Variants in TNIK observed in about 807,000 individuals in gnomAD.
TNIK encodes the protein TRAF2 and NCK-interacting protein kinase.
Under a neutral mutation model 191.3 loss-of-function variants are expected in TNIK, and 49 were observed. The observed-to-expected ratio is 0.26, with a 90% CI of 0.20 to 0.32. The LOEUF (loss-of-function observed/expected upper bound fraction) is 0.32, where lower values mean the gene tolerates loss of function less well. Ranked by LOEUF, TNIK falls within the 10% of genes least tolerant of loss-of-function variation. The probability of loss-of-function intolerance (pLI) is 1.00; values close to 1 mark genes in which losing one functional copy is unlikely to be tolerated. For synonymous variants in TNIK, 594 were observed against 600.9 expected, an observed-to-expected ratio of 0.99 and a Z score of 0.17; for missense variants, 1,155 against 1,702.3, an observed-to-expected ratio of 0.68 and a Z score of 5.66.
intron 2 of TNIK, among the ~76,000 whole-genome samples, chr3:171,368,010 T>C (rs1715980827): frequency 6.6e-6 from 1 of 152,178 alleles, no homozygotes; most frequent in African/African-American, 2.4e-5. Flanking sequence ...CTGCTAAATA[T>C]CTTCCCTCTC....
chr3:171,332,451 G>A (rs1577509145), intron 2 of TNIK, among the ~76,000 whole-genome samples: 2 of 152,198 alleles, frequency 1.3e-5, no homozygotes, highest in Non-Finnish European at 2.9e-5. Context: ...TTCTTAAAGA[G>A]CATGCATCAC....
intron 2 of TNIK, among the ~76,000 whole-genome samples, chr3:171,283,619 T>G (rs775298637): frequency 6.6e-5 from 10 of 152,198 alleles, no homozygotes; most frequent in East Asian, 3.9e-4. Flanking sequence ...GGAAATCTAA[T>G]TCCATGTAGC....
intron 2 of TNIK, among the ~76,000 whole-genome samples, chr3:171,266,555 G>A (rs1423116135): frequency 1.3e-5 from 2 of 152,014 alleles, no homozygotes; most frequent in Non-Finnish European, 2.9e-5. Flanking sequence ...GCCTACTTAG[G>A]GTCTTCAGAC....
intron 1 of TNIK, among the ~76,000 whole-genome samples, chr3:171,370,308 T>C (rs1011023762): frequency 1.3e-5 from 2 of 152,216 alleles, no homozygotes; most frequent in Admixed American, 1.3e-4. Context: ...GCTGAGTAAC[T>C]GCAGGATTTA....
At chr3:171,382,628 T>A (rs1718194617) in intron 1 of TNIK, among the ~76,000 whole-genome samples, 1 of 152,176 alleles carries the variant, frequency 6.6e-6, no homozygotes, top group South Asian at 2.1e-4. Context: ...TAATAAAGTG[T>A]GCATGGAAGT....
chr3:171,182,144 CTTCAT>C (rs1736727690), intron 7 of TNIK, among the ~76,000 whole-genome samples: 1 of 143,658 alleles, frequency 7.0e-6, no homozygotes, highest in African/African-American at 2.6e-5. Flanking sequence ...TTCCTTAAGC[CTTCAT>C]TTGATATCAT....
chr3:171,104,063 C>CCTTT (rs1425049626), intron 21 of TNIK, among the ~76,000 whole-genome samples: 4 of 598 alleles, frequency 6.7e-3, no homozygotes, highest in Admixed American at 0.014. Context: ...TTAGAAATAA[C>CCTTT]AATTAAACTT....
chr3:171,179,792 C>G (rs1339801121), intron 7 of TNIK, among the ~76,000 whole-genome samples: 1 of 152,110 alleles, frequency 6.6e-6, no homozygotes, highest in Non-Finnish European at 1.5e-5. Flanking sequence ...ATAATCATTT[C>G]GGAACATGAG....
At chr3:171,072,735 A>G (rs1279321545) in intron 28 of TNIK, among the ~76,000 whole-genome samples, 1 of 152,162 alleles carries the variant, frequency 6.6e-6, no homozygotes, top group Admixed American at 6.6e-5. Context: ...AGGACACAAA[A>G]TTAATGCACA....
At chr3:171,238,751 T>C (rs937278162) in intron 2 of TNIK, among the ~76,000 whole-genome samples, 4 of 152,246 alleles carry the variant, frequency 2.6e-5, no homozygotes, top group African/African-American at 9.6e-5. Context: ...TAGGCACTAA[T>C]ACTACAAAGA....
At chr3:171,072,592 T>TA (rs978384536) in intron 28 of TNIK, among the ~76,000 whole-genome samples, 81 of 151,902 alleles carry the variant, frequency 5.3e-4, no homozygotes, top group African/African-American at 1.7e-3. Context: ...TCAGGCAAGA[T>TA]AAAAAAATAA....
intron 2 of TNIK, among the ~76,000 whole-genome samples, chr3:171,263,264 G>T (rs1747881116): frequency 6.6e-6 from 1 of 152,170 alleles, no homozygotes; most frequent in South Asian, 2.1e-4. Context: ...AAAAAACTCT[G>T]CCAGGTGACC....
chr3:171,186,254 A>C (rs991625553), intron 7 of TNIK, among the ~76,000 whole-genome samples: 2 of 152,236 alleles, frequency 1.3e-5, no homozygotes, highest in African/African-American at 4.8e-5. Flanking sequence ...GCCAAGAAAG[A>C]AGTAGTAAGG....
chr3:171,072,394 G>A (rs2108326647), intron 28 of TNIK, among the ~76,000 whole-genome samples: 1 of 152,072 alleles, frequency 6.6e-6, no homozygotes, highest in East Asian at 1.9e-4. Context: ...CTGAAACCTA[G>A]GAAAAGATCC....
intron 2 of TNIK, among the ~76,000 whole-genome samples, chr3:171,318,180 T>TA (rs1754835356): frequency 1.3e-5 from 2 of 152,172 alleles, no homozygotes; most frequent in African/African-American, 4.8e-5. Context: ...ACCTGGCCTA[T>TA]AGATTGAAAT....
chr3:171,152,906 G>A (rs1326469024), intron 12 of TNIK, among the ~76,000 whole-genome samples: 2 of 151,852 alleles, frequency 1.3e-5, no homozygotes, highest in African/African-American at 2.4e-5. Flanking sequence ...CGAGTAGCTG[G>A]GACTACAGGC....
At chr3:171,404,321 G>A (rs1721385830) in intron 1 of TNIK, among the ~76,000 whole-genome samples, 1 of 152,010 alleles carries the variant, frequency 6.6e-6, no homozygotes, top group Non-Finnish European at 1.5e-5. Context: ...ATTTCCAGAA[G>A]CTCATACTCC....
chr3:171,173,147 G>C (rs1050515987), intron 9 of TNIK, among the ~76,000 whole-genome samples: 4 of 151,684 alleles, frequency 2.6e-5, no homozygotes, highest in African/African-American at 9.7e-5. Context: ...CACTTTGGGA[G>C]GCCGAGGCGG....
rs768827820 is a variant in TNIK, at chr3:171,082,310, C to T, written c.3254G>A (p.Arg1085Gln). The change falls in exon 27 of 33, where the codon CGG (arginine) becomes CAG (glutamine). Residue 1085 changes from arginine (R) to glutamine (Q), a missense_variant. Physicochemically the swap from Arg to Gln is conservative, Grantham distance 43. Coordinates refer to ENST00000436636, the MANE Select transcript of TNIK (RefSeq NM_015028.4). ...CACATCCATCTGCTGAAATCGCCTC[C>T]GGTTGATCAGATTATAGACTTTGCC... ...GQGKVYNLIN[R>Q]RRFQQMDVLE... 2.5e-6 allele frequency: 4 copies of T among 1,613,794 alleles called. No homozygotes were observed. The highest frequency in any genetic ancestry group is 2.2e-5 in the East Asian group (1 of 44,872).
Sources: allele counts gnomAD v4.1 joint callset (sites outside exome capture counted in the v4.1 genomes callset), GRCh38; gene constraint gnomAD v4.1.1; transcripts MANE v1.5; gene names NCBI Gene and HGNC (gene_info 2026-07-23, HGNC 2026-07-21).